GRIA4: variants seen among roughly 807,000 people sequenced by gnomAD.
GRIA4 encodes glutamate receptor 4.
In GRIA4, 34 loss-of-function variants were observed where a neutral mutation model predicts 104.0. That is an observed-to-expected ratio of 0.33 (90% confidence interval 0.25 to 0.44). The LOEUF (loss-of-function observed/expected upper bound fraction) is 0.44. GRIA4 is among the 20% of genes least tolerant of loss of function. The pLI, the probability that GRIA4 is intolerant of heterozygous loss-of-function variation, is 1.00. For synonymous variants in GRIA4, 386 were observed against 381.9 expected, an observed-to-expected ratio of 1.01 and a Z score of -0.13; for missense variants, 750 against 1,096.5, an observed-to-expected ratio of 0.68 and a Z score of 4.46.
At chr11:105,913,109 C>A in intron 10 of GRIA4, 3 of 705,370 alleles carry the variant, frequency 4.3e-6, no homozygotes, top group Non-Finnish European at 5.2e-6. Flanking sequence ...TTGAGAAATT[C>A]AGTTATTCAT....
At chr11:105,752,880 A>AT in intron 3 of GRIA4, 101 bp from the exon 4 acceptor site, 1 of 1,064,530 alleles carries the variant, frequency 9.4e-7, no homozygotes, top group Non-Finnish European at 1.4e-6. Context: ...AGATCCAATG[A>AT]TTCAGTGATT....
At chr11:105,977,903 G>A (rs146136395) in intron 16 of GRIA4, among the ~76,000 whole-genome samples, 220 of 152,086 alleles carry the variant, frequency 1.4e-3, no homozygotes, top group African/African-American at 5.0e-3. Context: ...ATATGGGTGA[G>A]GTTCTTGATT....
At chr11:105,791,197 C>G (rs1431400707) in intron 4 of GRIA4, among the ~76,000 whole-genome samples, 1 of 152,056 alleles carries the variant, frequency 6.6e-6, no homozygotes, top group African/African-American at 2.4e-5. Flanking sequence ...AAGCCAACAG[C>G]AACAACGAAA....
intron 10 of GRIA4, chr11:105,912,967 G>T (rs764231352): frequency 3.0e-5 from 29 of 970,212 alleles, no homozygotes; most frequent in Non-Finnish European, 3.6e-5. Context: ...CTGAGAGTGA[G>T]CACTGGATAT....
At chr11:105,976,698 G>A (rs1349222146) in intron 16 of GRIA4, among the ~76,000 whole-genome samples, 18 of 151,850 alleles carry the variant, frequency 1.2e-4, no homozygotes, top group Admixed American at 1.2e-3. Context: ...AAACAAAACT[G>A]GCACCTTCAA....
At chr11:105,851,534 G>A (rs927110881) in intron 4 of GRIA4, among the ~76,000 whole-genome samples, 4 of 152,320 alleles carry the variant, frequency 2.6e-5, no homozygotes, top group African/African-American at 9.6e-5. Context: ...CCACATGGAT[G>A]AGGCCAGAGA....
In GRIA4 at chr11:105,668,675, G is replaced by GTTTTT. The variant is rs368844903; in HGVS notation, c.247+56242_247+56243insTTTTT. Among the ~76,000 whole-genome samples, 21 of 121,396 alleles carry GTTTTT rather than the reference G, an allele frequency of 1.7e-4. 4 individuals carry two copies. Among genetic ancestry groups the GTTTTT allele is most frequent in the South Asian group, 2.6e-4 (1 of 3,852 alleles). The allele number at this position is 121,396 out of a possible 152,430, so 79.6% of individuals were successfully genotyped here. A position where few individuals can be genotyped will look rare whatever the true frequency, so the allele number is the denominator to read the frequency against. On this transcript the variant is annotated intron_variant, in intron 3 of 16. Coordinates refer to ENST00000282499, the MANE Select transcript of GRIA4 (RefSeq NM_000829.4). ...TCCTTGACAACACTTATTATCTTTT[G>GTTTTT]TCTTTTTTTTTTTTTTTGAGATAGA...
chr11:105,743,748 G>A (rs1939472975), intron 3 of GRIA4, among the ~76,000 whole-genome samples: 1 of 152,056 alleles, frequency 6.6e-6, no homozygotes, highest in African/African-American at 2.4e-5. Flanking sequence ...ATCTTTCCAA[G>A]CTATCCAGGC....
intron 4 of GRIA4, among the ~76,000 whole-genome samples, chr11:105,773,514 G>T (rs1225746994): frequency 6.6e-6 from 1 of 152,010 alleles, no homozygotes; most frequent in Non-Finnish European, 1.5e-5. Context: ...ATTACCCTTG[G>T]TTTATACAGG....
intron 3 of GRIA4, among the ~76,000 whole-genome samples, chr11:105,644,403 C>T (rs534584234): frequency 6.6e-6 from 1 of 150,822 alleles, no homozygotes; most frequent in East Asian, 2.0e-4. Context: ...ACCAGCCTAG[C>T]CTACATAGTG....
intron 4 of GRIA4, among the ~76,000 whole-genome samples, chr11:105,761,087 T>G (rs1940619562): frequency 6.6e-6 from 1 of 152,152 alleles, no homozygotes; most frequent in Non-Finnish European, 1.5e-5. Flanking sequence ...CCCACCTTGG[T>G]CACAGATTTG....
intron 4 of GRIA4, among the ~76,000 whole-genome samples, chr11:105,832,425 A>T (rs1944008869): frequency 6.6e-6 from 1 of 151,726 alleles, no homozygotes; most frequent in Non-Finnish European, 1.5e-5. Context: ...ATGACTTTAA[A>T]TAATGATAAG....
At chr11:105,861,474 G>A (rs1440958233) in intron 4 of GRIA4, among the ~76,000 whole-genome samples, 1 of 152,070 alleles carries the variant, frequency 6.6e-6, no homozygotes, top group Non-Finnish European at 1.5e-5. Flanking sequence ...GCTGAGAGAG[G>A]AAGAGTTAAA....
At chr11:105,779,193 C>A (rs1454095413) in intron 4 of GRIA4, among the ~76,000 whole-genome samples, 1 of 151,858 alleles carries the variant, frequency 6.6e-6, no homozygotes, top group Non-Finnish European at 1.5e-5. Flanking sequence ...CACTGTTGGA[C>A]ATTTGGGTTG....
chr11:105,862,271 A>C, intron 5 of GRIA4, 63 bp downstream of exon 5: 1 of 883,410 alleles, frequency 1.1e-6, no homozygotes, highest in South Asian at 1.5e-5. Flanking sequence ...CCTTTGATTG[A>C]CTTGTCCCCA....
chr11:105,817,045 C>T (rs1943406045), intron 4 of GRIA4, among the ~76,000 whole-genome samples: 1 of 151,872 alleles, frequency 6.6e-6, no homozygotes. Flanking sequence ...AACAAACTAA[C>T]TCAGGTTCTG....
At chr11:105,905,032 T>C (rs1370915509) in intron 8 of GRIA4, among the ~76,000 whole-genome samples, 165 bp from the exon 9 acceptor site, 2 of 152,258 alleles carry the variant, frequency 1.3e-5, no homozygotes, top group African/African-American at 4.8e-5. Context: ...TTGATATTCC[T>C]ATTTCAGATG....
At chr11:105,937,186 T>A (rs889804633) in intron 14 of GRIA4, among the ~76,000 whole-genome samples, 1 of 152,132 alleles carries the variant, frequency 6.6e-6, no homozygotes, top group African/African-American at 2.4e-5. Context: ...ATATACAGTT[T>A]CGATGGCATT....
intron 14 of GRIA4, among the ~76,000 whole-genome samples, chr11:105,966,889 C>A (rs11226882): frequency 6.6e-6 from 1 of 152,162 alleles, no homozygotes; most frequent in Non-Finnish European, 1.5e-5. Flanking sequence ...ATCTTCCCAT[C>A]TAATAACTAG....
Sources: allele counts gnomAD v4.1 joint callset (sites outside exome capture counted in the v4.1 genomes callset), GRCh38; gene constraint gnomAD v4.1.1; transcripts MANE v1.5; gene names NCBI Gene and HGNC (gene_info 2026-07-23, HGNC 2026-07-21).